The following NELL1 variants were observed in gnomAD, a reference collection of about 807,000 sequenced individuals.
NELL1 encodes the protein neural EGFL like 1, also known as protein kinase C-binding protein NELL1.
NELL1 carries 76 observed loss-of-function variants against 107.4 expected under a neutral mutation model. That is an observed-to-expected ratio of 0.71 (90% CI 0.59 to 0.86). NELL1 has a LOEUF of 0.86. Ranked by LOEUF, NELL1 falls within the 40% of genes least tolerant of loss-of-function variation. The pLI, the probability that NELL1 is intolerant of heterozygous loss-of-function variation, is 0.00. For missense variants in NELL1, 1,024 were observed against 1,005.5 expected (o/e 1.02, Z -0.25); for synonymous variants, 353 against 341.2 (o/e 1.03, Z -0.38).
chr11:21,148,363 G>A (rs1365870339), intron 13 of NELL1, among the ~76,000 whole-genome samples: 1 of 152,166 alleles, frequency 6.6e-6, no homozygotes, highest in African/African-American at 2.4e-5. Context: ...TCGCCGGGGG[G>A]AGGGTGGATA....
chr11:20,674,277 AT>A (rs1218454305), intron 1 of NELL1, among the ~76,000 whole-genome samples: 1 of 152,090 alleles, frequency 6.6e-6, no homozygotes, highest in Admixed American at 6.6e-5. Flanking sequence ...CTTTTTTATG[AT>A]TCCAGTGGAA....
chr11:21,138,227 C>G (rs1396962589), intron 13 of NELL1, among the ~76,000 whole-genome samples: 1 of 152,084 alleles, frequency 6.6e-6, no homozygotes, highest in Non-Finnish European at 1.5e-5. Context: ...CTTTTCCTTC[C>G]TAGGGCATTG....
At chr11:21,345,872 A>C (rs1294262058) in intron 14 of NELL1, among the ~76,000 whole-genome samples, 2 of 152,184 alleles carry the variant, frequency 1.3e-5, no homozygotes, top group African/African-American at 4.8e-5. Flanking sequence ...TGGCACCTTC[A>C]TATCAGCTTT....
At chr11:21,389,284 CA>C (rs1315936230) in intron 15 of NELL1, among the ~76,000 whole-genome samples, 1 of 151,774 alleles carries the variant, frequency 6.6e-6, no homozygotes, top group Non-Finnish European at 1.5e-5. Context: ...CCATCTATGG[CA>C]AAATAGGCAG....
intron 16 of NELL1, among the ~76,000 whole-genome samples, chr11:21,545,975 A>G (rs1856431745): frequency 6.6e-6 from 1 of 151,970 alleles, no homozygotes; most frequent in African/African-American, 2.4e-5. Context: ...AGCTCACTGA[A>G]TTTTGAAAAT....
intron 12 of NELL1, among the ~76,000 whole-genome samples, chr11:21,029,283 A>G (rs1388120295): frequency 4.6e-5 from 7 of 152,200 alleles, no homozygotes; most frequent in Non-Finnish European, 8.8e-5. Context: ...TAAATTTCCT[A>G]TCATAAAGTT....
intron 3 of NELL1, among the ~76,000 whole-genome samples, chr11:20,844,871 A>G (rs538006355): frequency 1.3e-5 from 2 of 152,360 alleles, no homozygotes; most frequent in African/African-American, 4.8e-5. Context: ...GACCACCCTG[A>G]GTCACAAGGT....
intron 1 of NELL1, among the ~76,000 whole-genome samples, chr11:20,676,761 A>G (rs148700969): frequency 1.1e-3 from 160 of 152,334 alleles, no homozygotes; most frequent in African/African-American, 3.6e-3. Context: ...CCCGGTGAAC[A>G]TTCACGCAGT....
chr11:20,840,165 T>A (rs1848596271), intron 3 of NELL1, among the ~76,000 whole-genome samples: 2 of 152,238 alleles, frequency 1.3e-5, no homozygotes, highest in South Asian at 2.1e-4. Flanking sequence ...AAAGAAAATG[T>A]ATAGTTATAT....
At chr11:20,984,110 C>T (rs1851803569) in intron 12 of NELL1, among the ~76,000 whole-genome samples, 1 of 152,078 alleles carries the variant, frequency 6.6e-6, no homozygotes, top group Non-Finnish European at 1.5e-5. Context: ...GTGTAATTTC[C>T]AATATGCATT....
At chr11:21,118,857 C>A (rs1855297399) in intron 13 of NELL1, among the ~76,000 whole-genome samples, 1 of 151,858 alleles carries the variant, frequency 6.6e-6, no homozygotes. Flanking sequence ...AGTAGTCATA[C>A]TGAAAAATTC....
chr11:21,354,315 C>A (rs1387568417), intron 14 of NELL1, among the ~76,000 whole-genome samples: 1 of 151,930 alleles, frequency 6.6e-6, no homozygotes, highest in African/African-American at 2.4e-5. Context: ...TTTTTCTTTT[C>A]TTTATTTATT....
chr11:20,920,701 TC>T (rs1442974558), intron 7 of NELL1, among the ~76,000 whole-genome samples: 2 of 151,972 alleles, frequency 1.3e-5, no homozygotes, highest in African/African-American at 4.8e-5. Context: ...TGATTGTGGT[TC>T]TTCATTCTCC....
At chr11:21,196,036 T>G (rs1157327601) in intron 13 of NELL1, among the ~76,000 whole-genome samples, 2 of 152,226 alleles carry the variant, frequency 1.3e-5, no homozygotes, top group Non-Finnish European at 2.9e-5. Context: ...GTTTTATTGT[T>G]TCTACATCTT....
At chr11:21,344,980 C>T (rs10833513) in intron 14 of NELL1, among the ~76,000 whole-genome samples, 28,663 of 152,074 alleles carry the variant, frequency 0.19, 2,920 homozygotes, top group Middle Eastern at 0.29. Context: ...GCACAATAAA[C>T]TAACTGCTTT....
chr11:20,751,660 A>ACC (rs1180241161), intron 2 of NELL1, among the ~76,000 whole-genome samples: 2 of 151,118 alleles, frequency 1.3e-5, no homozygotes, highest in Admixed American at 1.3e-4. Flanking sequence ...AAAAAAAAAA[A>ACC]AAAACTCTTT....
At chr11:21,308,540 A>C (rs1367360719) in intron 14 of NELL1, among the ~76,000 whole-genome samples, 1 of 152,058 alleles carries the variant, frequency 6.6e-6, no homozygotes, top group African/African-American at 2.4e-5. Flanking sequence ...TTATTCTTTT[A>C]TCATGGAGCT....
At chr11:20,753,367 T>G (rs1004989907) in intron 2 of NELL1, among the ~76,000 whole-genome samples, 3 of 152,230 alleles carry the variant, frequency 2.0e-5, no homozygotes, top group Non-Finnish European at 4.4e-5. Flanking sequence ...ATTAAACAGA[T>G]GGTAACATTA....
chr11:21,521,888 A>G (rs1034210633), intron 15 of NELL1, among the ~76,000 whole-genome samples: 3 of 152,210 alleles, frequency 2.0e-5, no homozygotes, highest in Non-Finnish European at 4.4e-5. Context: ...ACTTTTGGTC[A>G]TTCATATGTC....
Sources: gnomAD v4.1 joint callset for allele counts (sites outside exome capture counted in the v4.1 genomes callset) on GRCh38, gnomAD v4.1.1 for gene constraint, MANE v1.5 for transcripts, NCBI Gene and HGNC (gene_info 2026-07-23, HGNC 2026-07-21) for gene names.